The following ADK variants were observed in gnomAD, a reference collection of about 807,000 sequenced individuals.
ADK encodes the protein adenosine kinase.
ADK carries 24 observed loss-of-function variants against 44.7 expected under a neutral mutation model. The observed-to-expected ratio is 0.54, with a 90% CI of 0.39 to 0.76. The LOEUF (loss-of-function observed/expected upper bound fraction) is 0.76. ADK is among the 30% of genes least tolerant of loss of function. ADK has a pLI of 0.00. For missense variants in ADK, 321 were observed against 425.1 expected, an observed-to-expected ratio of 0.76 and a Z score of 2.15; for synonymous variants, 128 against 142.6, an observed-to-expected ratio of 0.90 and a Z score of 0.73.
chr10:74,652,046 C>CTTTTTTT lies in ADK; in HGVS notation c.878-18134_878-18133insTTTTTTT, dbSNP rs1401635840. Reference sequence around the variant, plus strand: ...GAAGGGATATGAAGGAACTTTCTTTCTTTCTTTTTTTTTTTTTTTGAGACA... The same window carrying CTTTTTTT: ...GAAGGGATATGAAGGAACTTTCTTTCTTTTTTTTTTCTTTTTTTTTTTTTTTGAGACA... On this transcript the variant is annotated intron_variant, in intron 9 of 10. Coordinates refer to ENST00000539909, the MANE Select transcript of ADK (RefSeq NM_006721.4). 3.6e-5 allele frequency among the ~76,000 whole-genome samples: 5 copies of CTTTTTTT among 138,554 alleles called. 1 individual carries two copies. The highest frequency in any genetic ancestry group is 1.4e-4 in the Admixed American group (2 of 13,916). The allele number at this position is 138,554 out of a possible 152,430, so 90.9% of individuals were successfully genotyped here.
intron 3 of ADK, among the ~76,000 whole-genome samples, chr10:74,308,865 C>T (rs1840343043): frequency 6.6e-6 from 1 of 152,102 alleles, no homozygotes. Context: ...CACTCGCTCT[C>T]TCTCTCTCTC....
chr10:74,219,669 C>G (rs940717968), intron 2 of ADK, among the ~76,000 whole-genome samples: 1,925 of 151,928 alleles, frequency 0.013, 49 homozygotes, highest in African/African-American at 0.044. Context: ...AACAAACTGT[C>G]TCTCAGACCA....
Position 74,463,144 on chromosome 10 carries a change from C to T in ADK, c.556-62112C>T, listed in dbSNP as rs1256931017. ...TTATTAGATTCACCAGTGTTTTATA[C>T]TGGGGGTCCCCAACCTTTTTGGCAC... On this transcript the variant is annotated intron_variant, in intron 6 of 10. Coordinates refer to ENST00000539909, the MANE Select transcript of ADK (RefSeq NM_006721.4). Among the ~76,000 whole-genome samples the T allele has an allele frequency of 3.3e-5, 5 of 151,950 alleles. No homozygotes were observed. In the South Asian group the frequency reaches 1.0e-3, roughly 32 times the overall value.
intron 1 of ADK, among the ~76,000 whole-genome samples, chr10:74,161,028 C>T (rs899140847): frequency 6.6e-5 from 10 of 152,214 alleles, no homozygotes; most frequent in Non-Finnish European, 1.3e-4. Context: ...GAAATGGTTT[C>T]TCCTTTGACT....
At chr10:74,609,947 T>A (rs888135882) in intron 9 of ADK, among the ~76,000 whole-genome samples, 1 of 152,138 alleles carries the variant, frequency 6.6e-6, no homozygotes, top group Non-Finnish European at 1.5e-5. Flanking sequence ...CTAGAGGTTC[T>A]GTCACATACC....
intron 7 of ADK, among the ~76,000 whole-genome samples, chr10:74,560,406 C>T (rs1397487306): frequency 1.3e-5 from 2 of 152,066 alleles, no homozygotes; most frequent in African/African-American, 4.8e-5. Flanking sequence ...CATTTGAGTC[C>T]TAGTGTACCA....
intron 3 of ADK, among the ~76,000 whole-genome samples, chr10:74,306,171 T>G (rs1397087273): frequency 1.3e-5 from 2 of 152,166 alleles, no homozygotes; most frequent in Non-Finnish European, 2.9e-5. Context: ...TCCTGCAGAT[T>G]GGAAAATTTT....
intron 3 of ADK, among the ~76,000 whole-genome samples, chr10:74,269,161 A>G (rs1039280911): frequency 3.9e-4 from 59 of 152,306 alleles, no homozygotes; most frequent in African/African-American, 1.3e-3. Context: ...CCCACCAACT[A>G]TAACACTCTT....
chr10:74,462,704 ATTATTC>A (rs1846214249), intron 6 of ADK, among the ~76,000 whole-genome samples: 1 of 152,196 alleles, frequency 6.6e-6, no homozygotes, highest in African/African-American at 2.4e-5. Flanking sequence ...TAGGTAGTGA[ATTATTC>A]TTGTTAACTA....
intron 7 of ADK, among the ~76,000 whole-genome samples, chr10:74,526,182 T>G (rs1849032756): frequency 6.6e-6 from 1 of 151,976 alleles, no homozygotes; most frequent in Non-Finnish European, 1.5e-5. Flanking sequence ...TACATTTATA[T>G]TTCTTTATTA....
intron 6 of ADK, among the ~76,000 whole-genome samples, chr10:74,505,041 A>G (rs1028727602): frequency 6.6e-6 from 1 of 152,152 alleles, no homozygotes; most frequent in Non-Finnish European, 1.5e-5. Context: ...AGCAGGCTGA[A>G]GAGGAGGGTG....
intron 4 of ADK, among the ~76,000 whole-genome samples, chr10:74,373,123 G>GA (rs1212324517): frequency 0.048 from 6,764 of 141,690 alleles, 517 homozygotes; most frequent in African/African-American, 0.16. Context: ...ATCCATATGG[G>GA]AAAAAAAAAA....
chr10:74,192,276 G>A (rs1356278920), intron 1 of ADK, among the ~76,000 whole-genome samples: 1 of 151,534 alleles, frequency 6.6e-6, no homozygotes, highest in Non-Finnish European at 1.5e-5. Flanking sequence ...CACCCAGGCT[G>A]GAGTGCAGTG....
intron 9 of ADK, among the ~76,000 whole-genome samples, chr10:74,657,142 TCCTC>T (rs1854519396): frequency 6.6e-6 from 1 of 152,098 alleles, no homozygotes; most frequent in Non-Finnish European, 1.5e-5. Context: ...CCTCGAGTGT[TCCTC>T]CCACCTTGGC....
At chr10:74,406,553 G>T (rs570118064) in intron 6 of ADK, among the ~76,000 whole-genome samples, 1,809 of 150,218 alleles carry the variant, frequency 0.012, 20 homozygotes, top group African/African-American at 0.025. Context: ...AGAAGAAGAA[G>T]AAGAAGAAGA....
chr10:74,402,172 A>AT (rs1170905280), intron 6 of ADK, among the ~76,000 whole-genome samples: 2 of 151,346 alleles, frequency 1.3e-5, no homozygotes, highest in African/African-American at 4.9e-5. Flanking sequence ...TGCCCTTAAC[A>AT]TTTTTTCCTT....
intron 9 of ADK, among the ~76,000 whole-genome samples, chr10:74,647,933 C>T (rs1434026682): frequency 6.6e-6 from 1 of 152,138 alleles, no homozygotes; most frequent in Admixed American, 6.5e-5. Context: ...CAATCAGCAA[C>T]TAATTCCTTG....
At chr10:74,574,693 C>T (rs1003254746) in intron 7 of ADK, among the ~76,000 whole-genome samples, 1 of 152,194 alleles carries the variant, frequency 6.6e-6, no homozygotes, top group African/African-American at 2.4e-5. Flanking sequence ...AGGATAACTT[C>T]CCACAGCAGG....
chr10:74,274,732 G>GTGTATATATATATATATATA lies in ADK; in HGVS notation c.195-39934_195-39933insGTATATATATATATATATAT, dbSNP rs1554836801. On this transcript the variant is annotated intron_variant, in intron 3 of 10. Coordinates refer to ENST00000539909, the MANE Select transcript of ADK (RefSeq NM_006721.4). ...TAGTAGGAGAAAAATTTTAATGTGTGTATATATATATATATACACACACAC... is the reference window on the plus strand; with the variant it reads ...TAGTAGGAGAAAAATTTTAATGTGTGTGTATATATATATATATATATATATATATATATATACACACACAC... Among the ~76,000 whole-genome samples, 192 of 84,180 alleles carry GTGTATATATATATATATATA rather than the reference G, an allele frequency of 2.3e-3. 1 individual carries two copies. The highest frequency in any genetic ancestry group is 3.1e-3 in the Non-Finnish European group (122 of 39,178). The allele number at this position is 84,180 out of a possible 152,430, so 55.2% of individuals were successfully genotyped here. A position where few individuals can be genotyped will look rare whatever the true frequency, so the allele number is the denominator to read the frequency against.
Sources: allele counts gnomAD v4.1 joint callset (sites outside exome capture counted in the v4.1 genomes callset), GRCh38; gene constraint gnomAD v4.1.1; transcripts MANE v1.5; gene names NCBI Gene and HGNC (gene_info 2026-07-23, HGNC 2026-07-21).